Variants in PEBP4 observed in about 807,000 individuals in gnomAD.
PEBP4 encodes the protein phosphatidylethanolamine-binding protein 4.
PEBP4 carries 22 observed loss-of-function variants against 23.9 expected under a neutral mutation model. The observed-to-expected ratio is 0.92, with a 90% CI of 0.66 to 1.31. The LOEUF (loss-of-function observed/expected upper bound fraction) is 1.31. Among genes scored for constraint, PEBP4 ranks in the 40% most tolerant of loss-of-function variants. The pLI, the probability that PEBP4 is intolerant of heterozygous loss-of-function variation, is 0.00. For synonymous variants in PEBP4, 112 were observed against 99.3 expected (o/e 1.13, Z -0.76); for missense variants, 324 against 281.7 (o/e 1.15, Z -1.07).
At chr8:22,924,719 G>GT (rs1397487805) in intron 2 of PEBP4, 1 of 985,260 alleles carries the variant, frequency 1.0e-6, no homozygotes, top group African/African-American at 1.7e-5. Flanking sequence ...AGCAGGTGGG[G>GT]TTTTTTGAGT....
In PEBP4 at chr8:22,724,777, G is replaced by A. The variant is rs565872804; in HGVS notation, c.517+66C>T. 1.6e-4 allele frequency: 208 copies of A among 1,262,082 alleles called. No individual in the cohort carries two copies. The African/African-American group carries it at 2.9e-3, about 18-fold the overall frequency. The allele number at this position is 1,262,082 out of a possible 1,614,324, so 78.2% of individuals were successfully genotyped here. ...TCAAGGCCCCAATTTCCCCGTAAAT[G>A]CCTGAAGCGTTTGTTCCACCCCAGA... On this transcript the variant is annotated intron_variant, in intron 6 of 6. Coordinates refer to ENST00000256404, the MANE Select transcript of PEBP4 (RefSeq NM_144962.3).
At chr8:22,799,234 G>T (rs1806333005) in intron 4 of PEBP4, among the ~76,000 whole-genome samples, 3 of 152,104 alleles carry the variant, frequency 2.0e-5, no homozygotes, top group Admixed American at 2.0e-4. Context: ...CTGTCATTGT[G>T]CGGTAGCTTC....
chr8:22,762,878 C>T (rs1291025644), intron 4 of PEBP4, among the ~76,000 whole-genome samples: 1 of 152,190 alleles, frequency 6.6e-6, no homozygotes, highest in Non-Finnish European at 1.5e-5. Context: ...CAGGACTGGA[C>T]TCCAGGTTCC....
chr8:22,847,531 C>T (rs190139771), intron 3 of PEBP4, among the ~76,000 whole-genome samples: 202 of 152,258 alleles, frequency 1.3e-3, no homozygotes, highest in African/African-American at 4.5e-3. Context: ...TGGGTAACTT[C>T]GGGTCTCCTC....
chr8:22,760,707 G>A (rs1448721490), intron 4 of PEBP4, among the ~76,000 whole-genome samples: 4 of 152,154 alleles, frequency 2.6e-5, no homozygotes, highest in Non-Finnish European at 5.9e-5. Context: ...CTTAGTAAGC[G>A]TCTTCAATAT....
At chr8:22,906,417 T>C (rs1014656996) in intron 3 of PEBP4, among the ~76,000 whole-genome samples, 3 of 152,216 alleles carry the variant, frequency 2.0e-5, no homozygotes, top group Non-Finnish European at 4.4e-5. Flanking sequence ...TGCATAGCCA[T>C]GTGTCCAGCC....
At chr8:22,770,655 C>A (rs1805701223) in intron 4 of PEBP4, among the ~76,000 whole-genome samples, 1 of 152,246 alleles carries the variant, frequency 6.6e-6, no homozygotes, top group Admixed American at 6.5e-5. Context: ...TGAAGACACC[C>A]TGCCCAGGCT....
chr8:22,760,695 T>C (rs544489147), intron 4 of PEBP4, among the ~76,000 whole-genome samples: 65 of 152,294 alleles, frequency 4.3e-4, no homozygotes, highest in African/African-American at 1.5e-3. Context: ...CCCAGGCTAC[T>C]ACTTAGTAAG....
At chr8:22,883,126 G>A (rs11777356) in intron 3 of PEBP4, among the ~76,000 whole-genome samples, 24,316 of 152,082 alleles carry the variant, frequency 0.16, 2,218 homozygotes, top group Middle Eastern at 0.24. Context: ...ACAAATCCCC[G>A]ACACCATCAA....
intron 4 of PEBP4, among the ~76,000 whole-genome samples, chr8:22,805,460 G>T (rs934676478): frequency 6.6e-6 from 1 of 152,230 alleles, no homozygotes; most frequent in Non-Finnish European, 1.5e-5. Context: ...CCAAGTAGCT[G>T]GGATTACAGG....
chr8:22,729,022 G>A (rs952140273), intron 4 of PEBP4, among the ~76,000 whole-genome samples: 2 of 152,126 alleles, frequency 1.3e-5, no homozygotes, highest in African/African-American at 2.4e-5. Flanking sequence ...GCTCTGTCTC[G>A]CTCCCCTCTC....
At chr8:22,917,100 G>A (rs1228111918) in intron 3 of PEBP4, among the ~76,000 whole-genome samples, 3 of 144,764 alleles carry the variant, frequency 2.1e-5, no homozygotes, top group Non-Finnish European at 3.0e-5. Flanking sequence ...CCTCTTTCCA[G>A]GGCTTTGGAG....
chr8:22,877,580 C>T (rs1026551906), intron 3 of PEBP4, among the ~76,000 whole-genome samples: 30 of 152,136 alleles, frequency 2.0e-4, no homozygotes, highest in Admixed American at 1.4e-3. Context: ...AACACACGGG[C>T]GGGCTCACTG....
intron 4 of PEBP4, among the ~76,000 whole-genome samples, chr8:22,782,338 G>T (rs775542062): frequency 1.3e-5 from 2 of 152,208 alleles, no homozygotes; most frequent in Non-Finnish European, 2.9e-5. Context: ...CACAGAGCAC[G>T]TGGGAACCTC....
intron 3 of PEBP4, among the ~76,000 whole-genome samples, chr8:22,877,511 C>T (rs899032525): frequency 1.3e-5 from 2 of 152,274 alleles, no homozygotes; most frequent in Non-Finnish European, 1.5e-5. Flanking sequence ...TTTGTCTCTC[C>T]GTAGCCAAAT....
At chr8:22,931,220 C>T (rs1585162749), upstream of PEBP4, among the ~76,000 whole-genome samples, 5 of 152,132 alleles carry the variant, frequency 3.3e-5, no homozygotes, top group South Asian at 1.0e-3. Flanking sequence ...TTCATTGATT[C>T]CTAATTAAAA....
intron 4 of PEBP4, among the ~76,000 whole-genome samples, chr8:22,816,751 A>G (rs1806749220): frequency 6.6e-6 from 1 of 152,220 alleles, no homozygotes; most frequent in Non-Finnish European, 1.5e-5. Context: ...ATGCCTTTGT[A>G]TACTGTTTGC....
intron 1 of PEBP4, among the ~76,000 whole-genome samples, chr8:22,934,130 AT>A (rs1305052805): frequency 1.3e-5 from 2 of 152,168 alleles, no homozygotes; most frequent in Non-Finnish European, 2.9e-5. Context: ...TGCCCCCAAG[AT>A]GCAAACACCA....
chr8:22,880,858 A>C (rs911082280), intron 3 of PEBP4, among the ~76,000 whole-genome samples: 3 of 152,204 alleles, frequency 2.0e-5, no homozygotes, highest in African/African-American at 4.8e-5. Context: ...GAGCTTCTAT[A>C]GACCTCAAGA....
Sources: allele counts gnomAD v4.1 joint callset (sites outside exome capture counted in the v4.1 genomes callset), GRCh38; gene constraint gnomAD v4.1.1; transcripts MANE v1.5; gene names NCBI Gene and HGNC (gene_info 2026-07-23, HGNC 2026-07-21).